NAA20: variants seen among roughly 807,000 people sequenced by gnomAD.
NAA20 encodes N-alpha-acetyltransferase 20.
In NAA20, 24 loss-of-function variants were observed where a neutral mutation model predicts 23.8. The observed-to-expected ratio is 1.01, with a 90% confidence interval of 0.73 to 1.42. The LOEUF is 1.42. Among genes scored for constraint, NAA20 ranks in the 40% most tolerant of loss-of-function variants. The probability of loss-of-function intolerance (pLI) is 0.00; values close to 1 mark genes in which losing one functional copy is unlikely to be tolerated. For synonymous variants in NAA20, 83 were observed against 77.7 expected (o/e 1.07, Z -0.36); for missense variants, 166 against 223.1 (o/e 0.74, Z 1.63).
At chr20:20,017,870 AG>A in intron 1 of NAA20, 1 of 1,574,880 alleles carries the variant, frequency 6.3e-7, no homozygotes, top group Non-Finnish European at 8.6e-7. Flanking sequence ...TTCTGGGCAG[AG>A]GGCACCGCCG....
At chr20:20,017,869 G>T (rs1444508260) in intron 1 of NAA20, 5 of 1,574,746 alleles carry the variant, frequency 3.2e-6, no homozygotes, top group Non-Finnish European at 4.3e-6. Flanking sequence ...CTTCTGGGCA[G>T]AGGGCACCGC....
intron 1 of NAA20, among the ~76,000 whole-genome samples, chr20:20,020,692 A>G (rs1183779851): frequency 6.6e-6 from 1 of 152,144 alleles, no homozygotes; most frequent in Non-Finnish European, 1.5e-5. Flanking sequence ...AAAGGCTAAG[A>G]GTTTGTAAGA....
Position 20,025,696 on chromosome 20 carries a change from T to C in NAA20, c.98T>C (p.Leu33Pro), listed in dbSNP as rs1260946709. The C allele has an allele frequency of 6.2e-7, 1 of 1,611,570 alleles. No individual in the cohort carries two copies. The highest frequency in any genetic ancestry group is 8.5e-7 in the Non-Finnish European group (1 of 1,177,646). ...CTCTAGTATGGGATTCCTTTCTACC[T>C]ACAATACCTCGCCCACTGGCCAGAG... is the stretch of plus-strand genomic sequence containing the variant. ...LTETYGIPFYLQYLAHWPEYF... is the reference protein window; with the variant it reads ...LTETYGIPFYPQYLAHWPEYF... Residue 33 changes from leucine to proline, a missense_variant, in exon 3 of 6, where the codon CTA (leucine) becomes CCA (proline). Coordinates refer to ENST00000334982, the MANE Select transcript of NAA20 (RefSeq NM_016100.5).
intron 1 of NAA20, among the ~76,000 whole-genome samples, chr20:20,022,181 GA>G (rs2043272972): frequency 6.6e-6 from 1 of 152,168 alleles, no homozygotes; most frequent in Non-Finnish European, 1.5e-5. Context: ...TTGCCACTTA[GA>G]AAACACAAGA....
At chr20:20,026,187 C>T (rs1016615659) in intron 3 of NAA20, among the ~76,000 whole-genome samples, 2 of 152,080 alleles carry the variant, frequency 1.3e-5, no homozygotes, top group East Asian at 3.9e-4. Context: ...TGCCTATAAT[C>T]CCAGCTACTC....
At chr20:20,020,504 A>T (rs1386811609) in intron 1 of NAA20, among the ~76,000 whole-genome samples, 1 of 152,214 alleles carries the variant, frequency 6.6e-6, no homozygotes, top group Non-Finnish European at 1.5e-5. Context: ...GGGTAAGGGG[A>T]TAACAGCAGA....
intron 4 of NAA20, among the ~76,000 whole-genome samples, chr20:20,027,483 A>G (rs1463355537): frequency 6.6e-6 from 1 of 152,148 alleles, no homozygotes; most frequent in Non-Finnish European, 1.5e-5. Context: ...AACCACTTGC[A>G]TTCCTGTTTC....
intron 2 of NAA20, among the ~76,000 whole-genome samples, chr20:20,023,122 T>A (rs1037944102): frequency 6.6e-6 from 1 of 152,130 alleles, no homozygotes; most frequent in Non-Finnish European, 1.5e-5. Flanking sequence ...CGTCCGTCTC[T>A]AGTAAAAATA....
upstream of NAA20, chr20:20,017,355 G>A: frequency 1.2e-6 from 2 of 1,608,654 alleles, no homozygotes; most frequent in Non-Finnish European, 1.7e-6. Context: ...CAGGGCGGGC[G>A]CGGGGTCTTG....
At chr20:20,032,367 A>C in intron 4 of NAA20, 141 bp from the exon 5 acceptor site, 1 of 621,970 alleles carries the variant, frequency 1.6e-6, no homozygotes, top group Non-Finnish European at 2.5e-6. Context: ...ATTACCATGT[A>C]ATCAGCTACA....
intron 1 of NAA20, chr20:20,018,904 A>T: frequency 2.0e-6 from 2 of 985,392 alleles, no homozygotes; most frequent in Non-Finnish European, 2.4e-6. Flanking sequence ...TCATCCAAGG[A>T]TATTGGCTCT....
intron 1 of NAA20, among the ~76,000 whole-genome samples, chr20:20,020,167 T>C (rs916033039): frequency 6.6e-6 from 1 of 152,212 alleles, no homozygotes; most frequent in African/African-American, 2.4e-5. Context: ...TAGCTGTGAC[T>C]TCATAGAACA....
At chr20:20,018,025 A>T in intron 1 of NAA20, 1 of 1,614,204 alleles carries the variant, frequency 6.2e-7, no homozygotes, top group Non-Finnish European at 8.5e-7. Flanking sequence ...CCTGCAGCAG[A>T]TGCTGTCTCA....
rs957436265 is a variant in NAA20 at position 20,033,441 on chromosome 20, G to T, written c.*254G>T. 7.9e-6 allele frequency: 3 copies of T among 377,860 alleles called. No homozygotes were observed. Among genetic ancestry groups the T allele is most frequent in the African/African-American group, 4.1e-5 (2 of 49,312 alleles). 23.4% of individuals were successfully genotyped at this position (377,860 alleles called of 1,614,324 possible). ...TCAGAAGGAAACATACCACTCTCAT[G>T]GTTCATAGTATTCACTGTATGTATG... On this transcript the variant is annotated 3_prime_UTR_variant, in exon 6 of 6. Transcript: ENST00000334982.
intron 4 of NAA20, among the ~76,000 whole-genome samples, chr20:20,029,310 A>C (rs186811410): frequency 5.3e-5 from 8 of 152,242 alleles, no homozygotes; most frequent in Non-Finnish European, 2.9e-5. Flanking sequence ...CATATTGATA[A>C]AATATTTAAT....
At chr20:20,021,135 T>C (rs1601124126) in intron 1 of NAA20, among the ~76,000 whole-genome samples, 1 of 143,536 alleles carries the variant, frequency 7.0e-6, no homozygotes, top group Non-Finnish European at 1.5e-5. Context: ...GAGGTGAGGG[T>C]GCGGGTGGGC....
At chr20:20,024,853 G>C (rs1184570740) in intron 2 of NAA20, among the ~76,000 whole-genome samples, 1 of 152,160 alleles carries the variant, frequency 6.6e-6, no homozygotes, top group Non-Finnish European at 1.5e-5. Flanking sequence ...ATTTCGCACG[G>C]AACAGGTTTT....
At position 20,033,195 on chromosome 20, in the gene NAA20, CA is replaced by C. The variant is rs1181214025; in HGVS notation, c.*9del. 1 of 1,599,778 alleles carries C rather than the reference CA, an allele frequency of 6.3e-7. No individual in the cohort carries two copies. The highest frequency in any genetic ancestry group is 1.7e-5 in the Admixed American group (1 of 59,840). On this transcript the variant is annotated 3_prime_UTR_variant, in exon 6 of 6. Transcript: ENST00000334982. ...CCTGAAGACATTGAATAACCCTGGG[CA>C]GTGGTTCTTAGGCAGATACTCTAGA...
intron 4 of NAA20, among the ~76,000 whole-genome samples, chr20:20,028,169 A>G (rs192018772): frequency 6.6e-6 from 1 of 152,170 alleles, no homozygotes; most frequent in Non-Finnish European, 1.5e-5. Flanking sequence ...CCAAACAAAG[A>G]AGGGAAGAAA....
Sources: gnomAD v4.1 joint callset for allele counts (sites outside exome capture counted in the v4.1 genomes callset) on GRCh38, gnomAD v4.1.1 for gene constraint, MANE v1.5 for transcripts, NCBI Gene and HGNC (gene_info 2026-07-23, HGNC 2026-07-21) for gene names.